The following SLC39A11 variants were observed in gnomAD, a reference collection of about 807,000 sequenced individuals.
SLC39A11 encodes zinc transporter ZIP11.
A neutral mutation model predicts 36.1 loss-of-function variants in SLC39A11; 33 were observed. The observed-to-expected ratio is 0.91, with a 90% CI of 0.69 to 1.22. The LOEUF (loss-of-function observed/expected upper bound fraction) is 1.22, where lower values mean the gene tolerates loss of function less well. SLC39A11 is among the 50% of genes most tolerant of loss of function. SLC39A11 has a pLI of 0.00. For missense variants in SLC39A11, 432 were observed against 430.3 expected, an observed-to-expected ratio of 1.00 and a Z score of -0.03; for synonymous variants, 166 against 170.3, an observed-to-expected ratio of 0.97 and a Z score of 0.20.
chr17:72,740,436 G>A (rs951876035), intron 6 of SLC39A11, among the ~76,000 whole-genome samples: 3 of 152,164 alleles, frequency 2.0e-5, no homozygotes, highest in Non-Finnish European at 4.4e-5. Flanking sequence ...TATTTATCAA[G>A]ACCGTACGTT....
intron 7 of SLC39A11, among the ~76,000 whole-genome samples, chr17:72,671,417 C>A (rs2071016943): frequency 6.6e-6 from 1 of 152,168 alleles, no homozygotes; most frequent in Admixed American, 6.5e-5. Context: ...CTAAACCACA[C>A]ATACAAAAAT....
chr17:72,760,814 C>T (rs1411442508), intron 6 of SLC39A11, among the ~76,000 whole-genome samples: 1 of 152,216 alleles, frequency 6.6e-6, no homozygotes, highest in East Asian at 1.9e-4. Flanking sequence ...CTCATGCCAC[C>T]TCCGATGTCA....
chr17:72,767,166 T>C (rs2075786230), intron 6 of SLC39A11, among the ~76,000 whole-genome samples: 1 of 152,372 alleles, frequency 6.6e-6, no homozygotes, highest in South Asian at 2.1e-4. Context: ...AGCTGCTTTT[T>C]GTGTTTCTTT....
intron 4 of SLC39A11, among the ~76,000 whole-genome samples, chr17:72,955,298 C>CTCTTTTTTTTT (rs757324144): frequency 1.5e-5 from 1 of 65,580 alleles, no homozygotes; most frequent in African/African-American, 6.0e-5. Context: ...TTTCAGTTCT[C>CTCTTTTTTTTT]TTTTTTTTTT....
chr17:72,973,660 A>G (rs9901350), intron 4 of SLC39A11, among the ~76,000 whole-genome samples: 8,858 of 152,014 alleles, frequency 0.058, 895 homozygotes, highest in African/African-American at 0.2. Context: ...TGGGGCTCAG[A>G]TGATCCTCCC....
At chr17:72,914,347 A>G (rs1301911346) in intron 5 of SLC39A11, among the ~76,000 whole-genome samples, 3 of 147,864 alleles carry the variant, frequency 2.0e-5, no homozygotes, top group South Asian at 4.2e-4. Flanking sequence ...AGAATACAAA[A>G]TAACAATACA....
intron 5 of SLC39A11, among the ~76,000 whole-genome samples, chr17:72,900,993 C>CA (rs140229564): frequency 0.47 from 71,171 of 149,982 alleles, 17,144 homozygotes; most frequent in East Asian, 0.72. Flanking sequence ...AAAAAAAACA[C>CA]GAAAAAAAAA....
intron 5 of SLC39A11, among the ~76,000 whole-genome samples, chr17:72,894,669 CAA>C (rs10657098): frequency 1.2e-4 from 15 of 121,248 alleles, no homozygotes; most frequent in East Asian, 2.3e-4. Context: ...GACCCTGTCT[CAA>C]AAAAAAAAAA....
intron 5 of SLC39A11, among the ~76,000 whole-genome samples, chr17:72,877,376 T>A (rs1395811060): frequency 3.3e-5 from 5 of 152,214 alleles, no homozygotes; most frequent in Non-Finnish European, 7.3e-5. Flanking sequence ...GGCGGCTTTA[T>A]ATTACAGCCC....
At chr17:72,764,135 C>A (rs1568050374) in intron 6 of SLC39A11, among the ~76,000 whole-genome samples, 1 of 152,148 alleles carries the variant, frequency 6.6e-6, no homozygotes, top group South Asian at 2.1e-4. Context: ...AACCACAGGC[C>A]TCTTTCATGC....
chr17:72,867,758 GCGCACACACA>G (rs1416012697), intron 5 of SLC39A11, among the ~76,000 whole-genome samples: 94 of 137,318 alleles, frequency 6.8e-4, no homozygotes, highest in African/African-American at 2.2e-3. Flanking sequence ...TGAAGTGCGC[GCGCACACACA>G]CACACACACA....
chr17:72,911,768 C>G (rs1165458905), intron 5 of SLC39A11, among the ~76,000 whole-genome samples: 2 of 152,212 alleles, frequency 1.3e-5, no homozygotes, highest in East Asian at 3.9e-4. Flanking sequence ...CTCAGCCTCC[C>G]GAGTAGCTGG....
At chr17:72,881,769 A>G (rs745851565) in intron 5 of SLC39A11, among the ~76,000 whole-genome samples, 2 of 152,242 alleles carry the variant, frequency 1.3e-5, no homozygotes, top group African/African-American at 4.8e-5. Flanking sequence ...TCCCCAATTT[A>G]TAAAATCTGC....
intron 6 of SLC39A11, among the ~76,000 whole-genome samples, chr17:72,792,606 C>T (rs911362841): frequency 6.6e-6 from 1 of 152,176 alleles, no homozygotes; most frequent in Non-Finnish European, 1.5e-5. Flanking sequence ...AGTCCACGCT[C>T]TAGTTTTAAA....
chr17:73,070,776 A>C (rs905238763), intron 3 of SLC39A11, among the ~76,000 whole-genome samples: 1 of 152,174 alleles, frequency 6.6e-6, no homozygotes, highest in African/African-American at 2.4e-5. Context: ...GGTTTTATAA[A>C]GGAGAGTTTC....
intron 7 of SLC39A11, chr17:72,725,589 G>A (rs1385970524): frequency 6.6e-6 from 1 of 152,206 alleles, no homozygotes; most frequent in Admixed American, 6.5e-5. Context: ...GCGACACACA[G>A]TCACCTTTCC....
chr17:72,661,487 T>C (rs568917173), intron 7 of SLC39A11, among the ~76,000 whole-genome samples: 2 of 152,346 alleles, frequency 1.3e-5, no homozygotes, highest in East Asian at 3.9e-4. Context: ...ACCCCGGCTT[T>C]CAGATCCTCC....
At chr17:72,929,362 C>T (rs1395813236) in intron 5 of SLC39A11, among the ~76,000 whole-genome samples, 3 of 152,132 alleles carry the variant, frequency 2.0e-5, no homozygotes, top group African/African-American at 2.4e-5. Flanking sequence ...AGAACTGGCC[C>T]GCCCCAAATG....
intron 3 of SLC39A11, among the ~76,000 whole-genome samples, chr17:73,060,210 C>CAAAAAAA (rs33931672): frequency 1.6e-4 from 11 of 70,336 alleles, no homozygotes; most frequent in East Asian, 4.8e-4. Context: ...AACTCCATCT[C>CAAAAAAA]AAAAAAAAAA....
Sources: allele counts gnomAD v4.1 joint callset (sites outside exome capture counted in the v4.1 genomes callset), GRCh38; gene constraint gnomAD v4.1.1; transcripts MANE v1.5; gene names NCBI Gene and HGNC (gene_info 2026-07-23, HGNC 2026-07-21).